MRTFB: variants seen among roughly 807,000 people sequenced by gnomAD.
MRTFB encodes the protein myocardin related transcription factor B.
In MRTFB, 29 loss-of-function variants were observed where a neutral mutation model predicts 104.2. The ratio of observed to expected loss-of-function variants is 0.28; its 90% CI spans 0.21 to 0.38. MRTFB has a LOEUF of 0.38. Ranked by LOEUF, MRTFB falls within the 10% of genes least tolerant of loss-of-function variation. The pLI is 1.00. For missense variants in MRTFB, 1,270 were observed against 1,341.6 expected, an observed-to-expected ratio of 0.95 and a Z score of 0.83; for synonymous variants, 535 against 519.5, an observed-to-expected ratio of 1.03 and a Z score of -0.41.
At chr16:14,237,983 C>T (rs1274579296) in intron 9 of MRTFB, among the ~76,000 whole-genome samples, 1 of 152,146 alleles carries the variant, frequency 6.6e-6, no homozygotes, top group African/African-American at 2.4e-5. Context: ...TAAAGTGAGA[C>T]TTGTCAGCAT....
At chr16:14,077,169 T>TA (rs1313939760) in intron 1 of MRTFB, among the ~76,000 whole-genome samples, 2 of 152,232 alleles carry the variant, frequency 1.3e-5, no homozygotes, top group Admixed American at 6.5e-5. Context: ...ATCTGGATTT[T>TA]ACGTCAAAGG....
At chr16:14,123,355 C>A (rs1160644499) in intron 2 of MRTFB, among the ~76,000 whole-genome samples, 1 of 152,140 alleles carries the variant, frequency 6.6e-6, no homozygotes, top group Non-Finnish European at 1.5e-5. Flanking sequence ...AAGTCCTTGC[C>A]ATGCCTATGT....
the MRTFB span, among the ~76,000 whole-genome samples, chr16:14,033,619 C>T: frequency 6.6e-6 from 1 of 151,690 alleles, no homozygotes; most frequent in East Asian, 1.9e-4. Flanking sequence ...TGTGGATCAC[C>T]TTAAGGTCAG....
chr16:14,163,701 C>T (rs541678429), intron 3 of MRTFB, among the ~76,000 whole-genome samples: 6 of 151,890 alleles, frequency 4.0e-5, no homozygotes, highest in African/African-American at 9.7e-5. Context: ...GGTGTGGTGG[C>T]GGGCACCTGT....
At chr16:14,027,647 A>G in the MRTFB span, among the ~76,000 whole-genome samples, 1 of 152,218 alleles carries the variant, frequency 6.6e-6, no homozygotes, top group Non-Finnish European at 1.5e-5. Flanking sequence ...TCATGGGGGA[A>G]GCTGGGCGAA....
Position 14,261,183 on chromosome 16 carries a change from G to A in MRTFB, c.3039G>A (p.Glu1013=), listed in dbSNP as rs749638079. 6 of 1,614,028 alleles carry A rather than the reference G, an allele frequency of 3.7e-6. No individual in the cohort carries two copies. The highest frequency in any genetic ancestry group is 5.1e-6 in the Non-Finnish European group (6 of 1,180,038). The change falls in exon 17 of 17, where the codon GAG becomes GAA. Residue 1013 remains glutamate (E), a synonymous_variant. Transcript: ENST00000571589. The part of the protein sequence containing the change: ...SEDREPFSLI[E]DLQNDLLSHS... Reference sequence around the variant, plus strand: ...ACAGAGAGCCCTTCTCTCTGATCGAGGACCTCCAGAATGATCTGCTGAGTC... The same window carrying A: ...ACAGAGAGCCCTTCTCTCTGATCGAAGACCTCCAGAATGATCTGCTGAGTC...
the MRTFB span, chr16:14,009,829 G>A: frequency 6.6e-6 from 1 of 152,100 alleles, no homozygotes; most frequent in Non-Finnish European, 1.5e-5. Flanking sequence ...TAAAGGAGAA[G>A]GTTAAATCAC....
chr16:14,198,702 A>T (rs1025839480), intron 3 of MRTFB, among the ~76,000 whole-genome samples: 6 of 152,212 alleles, frequency 3.9e-5, no homozygotes, highest in Non-Finnish European at 5.9e-5. Flanking sequence ...CTTTCTTTCA[A>T]CTTCTCCAAA....
chr16:14,108,015 C>G (rs769308878), intron 2 of MRTFB, among the ~76,000 whole-genome samples: 2 of 152,014 alleles, frequency 1.3e-5, no homozygotes, highest in East Asian at 1.9e-4. Context: ...TACCAGGGAC[C>G]CCTTTTCTGC....
At chr16:14,197,353 T>A (rs1217491030) in intron 3 of MRTFB, among the ~76,000 whole-genome samples, 35 of 152,158 alleles carry the variant, frequency 2.3e-4, no homozygotes, top group Admixed American at 2.3e-3. Context: ...CATGGCCTTC[T>A]TTACTTTTTT....
the MRTFB span, among the ~76,000 whole-genome samples, chr16:13,997,580 A>G: frequency 6.6e-6 from 1 of 151,764 alleles, no homozygotes; most frequent in Non-Finnish European, 1.5e-5. Context: ...GGATTACTTG[A>G]GCCCAGGGGT....
At chr16:14,243,224 C>T (rs1340750865) in intron 10 of MRTFB, among the ~76,000 whole-genome samples, 1 of 152,204 alleles carries the variant, frequency 6.6e-6, no homozygotes, top group African/African-American at 2.4e-5. Context: ...TAAGAAACTT[C>T]ATCCCAAAGA....
Position 14,088,710 on chromosome 16 carries a change from G to GC in MRTFB, c.-64+9358dup, listed in dbSNP as rs148486828. Among the ~76,000 whole-genome samples the GC allele has an allele frequency of 3.9e-3, 594 of 152,276 alleles. 14 individuals carry two copies. In the East Asian group the frequency reaches 0.067, roughly 17 times the overall value. On this transcript the variant is annotated intron_variant, in intron 2 of 16. Coordinates refer to ENST00000571589, the MANE Select transcript of MRTFB (RefSeq NM_001308142.2). ...ACTCTGAGATGAAAGGTTCATGACT[G>GC]CCAAGTACAAACAGACCTTCTGCGG...
At chr16:14,094,591 AGT>A (rs1377102880) in intron 2 of MRTFB, among the ~76,000 whole-genome samples, 5 of 152,228 alleles carry the variant, frequency 3.3e-5, no homozygotes, top group Non-Finnish European at 5.9e-5. Flanking sequence ...CTATTCACCT[AGT>A]TCTTCTTCCT....
Position 14,189,938 on chromosome 16 carries a change from C to T in MRTFB, c.155-20305C>T, listed in dbSNP as rs572194923. On this transcript the variant is annotated intron_variant, in intron 3 of 16. Transcript: ENST00000571589. ...GGGGAAAACAGCCTTTATTAGCAAA[C>T]GCTGTAGGATTCAAGAATTGACGGG... Among the ~76,000 whole-genome samples the T allele has an allele frequency of 2.6e-5, 4 of 152,068 alleles. No homozygotes were observed. In the South Asian group the frequency reaches 6.2e-4, roughly 24 times the overall value.
the MRTFB span, among the ~76,000 whole-genome samples, chr16:14,025,712 A>C: frequency 6.6e-6 from 1 of 152,200 alleles, no homozygotes; most frequent in Non-Finnish European, 1.5e-5. Context: ...AGATTGCTGG[A>C]AGAGCAATAA....
Position 14,261,077 on chromosome 16 carries a change from T to C in MRTFB, c.2933T>C (p.Leu978Ser). 4.3e-6 allele frequency: 7 copies of C among 1,614,168 alleles called. No individual in the cohort carries two copies. Among genetic ancestry groups the C allele is most frequent in the Non-Finnish European group, 5.9e-6 (7 of 1,180,022 alleles). The change falls in exon 17 of 17, where the codon TTA (leucine) becomes TCA (serine). Residue 978 changes from leucine (L) to serine (S), a missense_variant. Leu to Ser is a moderately radical substitution (Grantham distance 145). Around this residue, in one of 3 missense-constraint regions of MRTFB, gnomAD observed 1,144 missense variants for 1,131.5 expected, o/e 1.01. Coordinates refer to ENST00000571589, the MANE Select transcript of MRTFB (RefSeq NM_001308142.2). ...LEPMGSLSAS[L>S]ENQLEAFLDG... ...CCTATGGGCAGTTTATCTGCCAGCT[T>C]AGAGAACCAACTAGAAGCTTTCTTG... is the stretch of plus-strand genomic sequence containing the variant.
chr16:14,186,211 G>C (rs2039947783), intron 3 of MRTFB, among the ~76,000 whole-genome samples: 2 of 152,234 alleles, frequency 1.3e-5, no homozygotes, highest in Admixed American at 1.3e-4. Context: ...CCAGGAAGAG[G>C]CACATGCAAC....
intron 3 of MRTFB, chr16:14,200,080 G>A (rs2040614262): frequency 5.6e-6 from 3 of 536,200 alleles, no homozygotes; most frequent in Non-Finnish European, 9.8e-6. Flanking sequence ...ACAACCATTT[G>A]GAAGGCAAAG....
Sources: gnomAD v4.1 joint callset for allele counts (sites outside exome capture counted in the v4.1 genomes callset) on GRCh38, gnomAD v4.1.1 for gene constraint, gnomAD v4.1.1 regional missense constraint, MANE v1.5 for transcripts, NCBI Gene and HGNC (gene_info 2026-07-23, HGNC 2026-07-21) for gene names.